The following TBC1D24 variants were observed in gnomAD, a reference collection of about 807,000 sequenced individuals.
TBC1D24 encodes the protein TBC1 domain family member 24, also known as Infantile myoclonic epilepsy.
Under a neutral mutation model 50.7 loss-of-function variants are expected in TBC1D24, and 47 were observed. The ratio of observed to expected loss-of-function variants is 0.93; its 90% confidence interval spans 0.73 to 1.18. The LOEUF (loss-of-function observed/expected upper bound fraction) is 1.18, where lower values mean the gene tolerates loss of function less well. TBC1D24 is among the 50% of genes most tolerant of loss of function. The probability of loss-of-function intolerance (pLI) is 0.00; values close to 1 mark genes in which losing one functional copy is unlikely to be tolerated. For synonymous variants in TBC1D24, 324 were observed against 335.2 expected, an observed-to-expected ratio of 0.97 and a Z score of 0.36; for missense variants, 688 against 766.5, an observed-to-expected ratio of 0.90 and a Z score of 1.21.
chr16:2,496,205 C>A lies in TBC1D24; in HGVS notation c.57C>A (p.Ile19=), dbSNP rs1368170115. The part of the protein sequence containing the change: ...FVDKDKMDAA[I]QDLGPKELSC... ...ACAAAGACAAGATGGACGCTGCCAT[C>A]CAGGACCTGGGGCCCAAGGAGCTGA... The change falls in exon 2 of 8, where the codon ATC becomes ATA. Residue 19 remains isoleucine, a synonymous_variant. Coordinates refer to ENST00000646147, the MANE Select transcript of TBC1D24 (RefSeq NM_001199107.2). The A allele has an allele frequency of 6.2e-6, 10 of 1,613,838 alleles. No homozygotes were observed. The highest frequency in any genetic ancestry group is 8.5e-6 in the Non-Finnish European group (10 of 1,180,028).
In TBC1D24 at chr16:2,486,809, C is replaced by T. The variant is rs936717056; in HGVS notation, c.-115-9225C>T. ...CCCTGGGCTGGAATTCTCTGTTTGTCGCTCGCCCCCGCCTCCAGCATCCCC... is the reference window on the plus strand; with the variant it reads ...CCCTGGGCTGGAATTCTCTGTTTGTTGCTCGCCCCCGCCTCCAGCATCCCC... On this transcript the variant is annotated intron_variant, in intron 1 of 7. Transcript: ENST00000646147. The surrounding 1 kb of genome is among the most constrained non-coding windows in gnomAD (Gnocchi z 5.8). Among the ~76,000 whole-genome samples the T allele has an allele frequency of 5.3e-5, 8 of 152,188 alleles. No homozygotes were observed. Among genetic ancestry groups the T allele is most frequent in the Admixed American group, 2.6e-4 (4 of 15,286 alleles).
At chr16:2,478,555 G>T (rs1386139227) in intron 1 of TBC1D24, 1 of 152,340 alleles carries the variant, frequency 6.6e-6, no homozygotes, top group Non-Finnish European at 1.5e-5. Flanking sequence ...GGGATGCTGT[G>T]TGCCATCCAA....
chr16:2,488,513 T>C (rs1302778796), intron 1 of TBC1D24, among the ~76,000 whole-genome samples: 1 of 139,642 alleles, frequency 7.2e-6, no homozygotes, highest in East Asian at 2.1e-4. Flanking sequence ...TTTTTTTTTT[T>C]TTTTTTTTGT....
rs1060502501 is a variant in TBC1D24, at chr16:2,500,868, C to T, written c.1590C>T (p.Cys530=). 8 of 1,612,560 alleles carry T rather than the reference C, an allele frequency of 5.0e-6. No individual in the cohort carries two copies. The highest frequency in any genetic ancestry group is 4.5e-5 in the East Asian group (2 of 44,898). Residue 530 remains cysteine (C), a synonymous_variant, in exon 8 of 8, where the codon TGC becomes TGT. Coordinates refer to ENST00000646147, the MANE Select transcript of TBC1D24 (RefSeq NM_001199107.2). This position sits in a 1 kb window ranked among gnomAD's most constrained non-coding sequence, Gnocchi z 8.0. Reference sequence around the variant, plus strand: ...TGAACCGGGGCCGCACAAGCCACTGCGACACCTTCAACAACCAGCCCCTCT... The same window carrying T: ...TGAACCGGGGCCGCACAAGCCACTGTGACACCTTCAACAACCAGCCCCTCT... ...GDLNRGRTSH[C]DTFNNQPLCS...
chr16:2,478,818 C>G (rs1322804520), intron 1 of TBC1D24: 1 of 151,360 alleles, frequency 6.6e-6, no homozygotes, highest in Non-Finnish European at 1.5e-5. Context: ...ACTGTAGCCT[C>G]GACCTTCTGG....
At chr16:2,498,176 C>CG in intron 3 of TBC1D24, 62 bp from the exon 4 acceptor site, 2 of 1,541,714 alleles carry the variant, frequency 1.3e-6, no homozygotes, top group Non-Finnish European at 8.8e-7. Flanking sequence ...GGGCATACCT[C>CG]GGGGGGCATG....
In TBC1D24 at chr16:2,496,888, T is replaced by C; in HGVS notation, c.740T>C (p.Ile247Thr). The C allele has an allele frequency of 6.2e-7, 1 of 1,614,098 alleles. No homozygotes were observed. Among genetic ancestry groups the C allele is most frequent in the Non-Finnish European group, 8.5e-7 (1 of 1,180,040 alleles). Residue 247 changes from isoleucine to threonine, a missense_variant, in exon 2 of 8, where the codon ATC (isoleucine) becomes ACC (threonine). Coordinates refer to ENST00000646147, the MANE Select transcript of TBC1D24 (RefSeq NM_001199107.2). ...YKVLYRVALA[I>T]LKFFHKVRAG... ...GTGCTGTACCGCGTGGCGCTGGCCATCCTCAAGTTCTTCCACAAGGTGAGG... is the reference window on the plus strand; with the variant it reads ...GTGCTGTACCGCGTGGCGCTGGCCACCCTCAAGTTCTTCCACAAGGTGAGG...
Position 2,500,802 on chromosome 16 carries a change from AG to A in TBC1D24, c.1529del. On this transcript the variant is annotated splice_acceptor_variant, in intron 7 of 7. Coordinates refer to ENST00000646147, the MANE Select transcript of TBC1D24 (RefSeq NM_001199107.2). LOFTEE classifies it high-confidence loss of function. The surrounding 1 kb of genome is among the most constrained non-coding windows in gnomAD (Gnocchi z 8.0). Reference sequence around the variant, plus strand: ...GCCGCCACTGACCTGAGCATCCTGCAGGGGGAGGAGGCGGCCAGGCGCTCTA... The same window carrying A: ...GCCGCCACTGACCTGAGCATCCTGCAGGGGAGGAGGCGGCCAGGCGCTCTA... 1.9e-6 allele frequency: 3 copies of A among 1,602,870 alleles called. No homozygotes were observed. Among genetic ancestry groups the A allele is most frequent in the Non-Finnish European group, 2.5e-6 (3 of 1,179,332 alleles).
Position 2,496,139 on chromosome 16 carries a change from C to T in TBC1D24, c.-10C>T. ...GCAGTCCAGGGCCTCCTCCCGAGCACAGCGGCGCTATGGACTCTCCAGGAT... is the reference window on the plus strand; with the variant it reads ...GCAGTCCAGGGCCTCCTCCCGAGCATAGCGGCGCTATGGACTCTCCAGGAT... On this transcript the variant is annotated 5_prime_UTR_variant, in exon 2 of 8. Transcript: ENST00000646147. 1 of 1,613,700 alleles carries T rather than the reference C, an allele frequency of 6.2e-7. No homozygotes were observed. The highest frequency in any genetic ancestry group is 8.5e-7 in the Non-Finnish European group (1 of 1,180,020).
chr16:2,489,202 C>A (rs1011755584), intron 1 of TBC1D24, among the ~76,000 whole-genome samples: 2 of 151,892 alleles, frequency 1.3e-5, no homozygotes, highest in African/African-American at 4.8e-5. Flanking sequence ...GAGGCTGAGG[C>A]GGGCGGATCA....
chr16:2,485,757 G>A lies in TBC1D24; in HGVS notation c.-115-10277G>A, dbSNP rs1037694122. Among the ~76,000 whole-genome samples the A allele has an allele frequency of 9.2e-5, 14 of 152,190 alleles. No homozygotes were observed. Among genetic ancestry groups the A allele is most frequent in the African/African-American group, 2.7e-4 (11 of 41,438 alleles). Reference sequence around the variant, plus strand: ...GCTGCAGAATGGATTGCTTGCTGCCGGGAGAAACCCCCGCATCTTCTGGGT... The same window carrying A: ...GCTGCAGAATGGATTGCTTGCTGCCAGGAGAAACCCCCGCATCTTCTGGGT... On this transcript the variant is annotated intron_variant, in intron 1 of 7. Transcript: ENST00000646147. This position sits in a 1 kb window ranked among gnomAD's most constrained non-coding sequence, Gnocchi z 4.6.
intron 1 of TBC1D24, chr16:2,477,884 T>C (rs1257884558): frequency 6.6e-6 from 1 of 152,250 alleles, no homozygotes; most frequent in Non-Finnish European, 1.5e-5. Flanking sequence ...ACAGTGGATA[T>C]AAAGTGACAG....
intron 1 of TBC1D24, among the ~76,000 whole-genome samples, chr16:2,489,345 T>C (rs1185707937): frequency 6.6e-6 from 1 of 151,966 alleles, no homozygotes; most frequent in Non-Finnish European, 1.5e-5. Flanking sequence ...GGCAGGAGAA[T>C]GGTGTGAACC....
rs901354911 is a variant in TBC1D24 at position 2,504,414 on chromosome 16, C to CTTTTTTTTTTTTTTTTT, written c.*3462_*3478dup. On this transcript the variant is annotated 3_prime_UTR_variant, in exon 8 of 8. Transcript: ENST00000646147. ...AACCACAGGCCTATTGAGATTGTCC[C>CTTTTTTTTTTTTTTTTT]TTTTTTTTTTTTTTTTTTTTTTGAG... 2.1e-4 allele frequency: 26 copies of CTTTTTTTTTTTTTTTTT among 125,656 alleles called. 1 individual carries two copies. The highest frequency in any genetic ancestry group is 4.0e-4 in the Admixed American group (5 of 12,610). 7.8% of individuals were successfully genotyped at this position (125,656 alleles called of 1,614,324 possible). A position where few individuals can be genotyped will look rare whatever the true frequency, so the allele number is the denominator to read the frequency against.
intron 1 of TBC1D24, among the ~76,000 whole-genome samples, chr16:2,489,674 C>T (rs1412603335): frequency 6.6e-6 from 1 of 152,080 alleles, no homozygotes; most frequent in African/African-American, 2.4e-5. Context: ...GCCCCTGGCC[C>T]GTGCAGTTGC....
In TBC1D24 at chr16:2,475,832, C is replaced by T. The variant is rs1279468874; in HGVS notation, c.-116+662C>T. On this transcript the variant is annotated intron_variant, in intron 1 of 7. Coordinates refer to ENST00000646147, the MANE Select transcript of TBC1D24 (RefSeq NM_001199107.2). The surrounding 1 kb of genome is among the most constrained non-coding windows in gnomAD (Gnocchi z 4.2). ...GGGCTGGGCTGCACCTGTTCCCGCC[C>T]CCTCCAGGCGGGAGTCCCCGCGGCC... 6.6e-6 allele frequency among the ~76,000 whole-genome samples: 1 copy of T among 152,226 alleles called. No homozygotes were observed. Among genetic ancestry groups the T allele is most frequent in the Non-Finnish European group, 1.5e-5 (1 of 68,032 alleles).
At chr16:2,480,909 C>T (rs988304278) in intron 1 of TBC1D24, 1 of 152,252 alleles carries the variant, frequency 6.6e-6, no homozygotes, top group African/African-American at 2.4e-5. Flanking sequence ...TTCTTGGTGC[C>T]TGTTATGCTG....
Position 2,475,528 on chromosome 16 carries a change from G to A in TBC1D24, c.-116+358G>A, listed in dbSNP as rs946630572. 6.6e-6 allele frequency among the ~76,000 whole-genome samples: 1 copy of A among 151,976 alleles called. No homozygotes were observed. The highest frequency in any genetic ancestry group is 2.4e-5 in the African/African-American group (1 of 41,402). ...GGGCGCTTTCCGTCTCCGCAGGGTC[G>A]GAAATCCTCTTGGGGGCTCGGTGAG... On this transcript the variant is annotated intron_variant, in intron 1 of 7. Coordinates refer to ENST00000646147, the MANE Select transcript of TBC1D24 (RefSeq NM_001199107.2). The surrounding 1 kb of genome is among the most constrained non-coding windows in gnomAD (Gnocchi z 4.2).
intron 4 of TBC1D24, 137 bp downstream of exon 4, chr16:2,498,533 C>G (rs1205287862): frequency 1.5e-5 from 13 of 844,366 alleles, no homozygotes; most frequent in Non-Finnish European, 2.2e-5. Context: ...AATCAGGGTC[C>G]CTTTCTGGGC....
Sources: gnomAD v4.1 joint callset for allele counts (sites outside exome capture counted in the v4.1 genomes callset) on GRCh38, gnomAD v4.1.1 for gene constraint, Gnocchi (gnomAD v3.1) non-coding constraint, MANE v1.5 for transcripts, NCBI Gene and HGNC (gene_info 2026-07-23, HGNC 2026-07-21) for gene names.